Variants in ATOH8 observed in about 807,000 individuals in gnomAD.
The protein encoded by ATOH8 is atonal bHLH transcription factor 8.
In ATOH8, 9 loss-of-function variants were observed where a neutral mutation model predicts 21.2. The ratio of observed to expected loss-of-function variants is 0.42; its 90% confidence interval spans 0.26 to 0.74. The LOEUF (loss-of-function observed/expected upper bound fraction) is 0.74, where lower values mean the gene tolerates loss of function less well. Among genes scored for constraint, ATOH8 ranks in the 30% least tolerant of loss-of-function variants. The pLI is 0.24. For missense variants in ATOH8, 524 were observed against 470.9 expected, an observed-to-expected ratio of 1.11 and a Z score of -1.04; for synonymous variants, 253 against 224.0, an observed-to-expected ratio of 1.13 and a Z score of -1.16.
intron 1 of ATOH8, among the ~76,000 whole-genome samples, chr2:85,762,306 AC>A (rs1435237750): frequency 2.6e-5 from 4 of 152,264 alleles, no homozygotes; most frequent in Non-Finnish European, 5.9e-5. Flanking sequence ...ACAAAAAGAT[AC>A]GCTTAGCTTT....
In ATOH8 at chr2:85,787,029, C is replaced by G. The variant is rs138534564; in HGVS notation, c.*139C>G. On this transcript the variant is annotated 3_prime_UTR_variant, in exon 3 of 3. Transcript: ENST00000306279. ...TGCCCAGCCTACAGCCTCTCAGGGT[C>G]GGATCGGAGCACGCCTGCCTCCCTC... 2 of 1,139,254 alleles carry G rather than the reference C, an allele frequency of 1.8e-6. No homozygotes were observed. The highest frequency in any genetic ancestry group is 2.5e-6 in the Non-Finnish European group (2 of 788,666). 70.6% of individuals were successfully genotyped at this position (1,139,254 alleles called of 1,614,324 possible).
At chr2:85,762,280 G>C (rs764390373) in intron 1 of ATOH8, among the ~76,000 whole-genome samples, 1 of 152,214 alleles carries the variant, frequency 6.6e-6, no homozygotes, top group East Asian at 1.9e-4. Flanking sequence ...CTAGAGCCAG[G>C]AGTTGAATCC....
intron 2 of ATOH8, chr2:85,772,505 C>G (rs1198302094): frequency 2.9e-6 from 1 of 346,078 alleles, no homozygotes; most frequent in Non-Finnish European, 5.6e-6. Flanking sequence ...GGAAAGCACG[C>G]GAGCTGGAAG....
chr2:85,782,718 CAG>C, intron 2 of ATOH8, among the ~76,000 whole-genome samples: 1 of 152,248 alleles, frequency 6.6e-6, no homozygotes, highest in East Asian at 1.9e-4. Context: ...ACAGAGTCTC[CAG>C]AGTCTCCCTC....
At chr2:85,765,541 C>G (rs1679990631) in intron 2 of ATOH8, among the ~76,000 whole-genome samples, 1 of 152,180 alleles carries the variant, frequency 6.6e-6, no homozygotes, top group African/African-American at 2.4e-5. Context: ...GAAAGTGACA[C>G]TGGTAAATTA....
chr2:85,791,187 G>A lies in ATOH8; in HGVS notation c.*4297G>A, dbSNP rs1680758918. Among the ~76,000 whole-genome samples, 3 of 152,128 alleles carry A rather than the reference G, an allele frequency of 2.0e-5. No individual in the cohort carries two copies. The South Asian group carries it at 6.2e-4, about 32-fold the overall frequency. On this transcript the variant is annotated 3_prime_UTR_variant, in exon 3 of 3. Coordinates refer to ENST00000306279, the MANE Select transcript of ATOH8 (RefSeq NM_032827.7). ...CCTCCCTGAAGCCAGGCATCCTGAG[G>A]AACTTGATAGACAAACAATGACAGT... is the stretch of plus-strand genomic sequence containing the variant.
At chr2:85,782,381 A>T (rs1019995570) in intron 2 of ATOH8, among the ~76,000 whole-genome samples, 1 of 152,306 alleles carries the variant, frequency 6.6e-6, no homozygotes, top group East Asian at 1.9e-4. Flanking sequence ...AGATAAAATC[A>T]TTTTTTTAAA....
chr2:85,775,398 C>T (rs1436626707), intron 2 of ATOH8, among the ~76,000 whole-genome samples: 1 of 152,158 alleles, frequency 6.6e-6, no homozygotes, highest in African/African-American at 2.4e-5. Flanking sequence ...AGGGAGATGC[C>T]CCTGGGCTCT....
At chr2:85,781,163 G>T in intron 2 of ATOH8, 1 of 798,210 alleles carries the variant, frequency 1.3e-6, no homozygotes, top group Non-Finnish European at 1.5e-6. Flanking sequence ...GTAAAATACT[G>T]TATGTGAGTA....
Position 85,785,485 on chromosome 2 carries a change from C to T in ATOH8, c.961-1400C>T, listed in dbSNP as rs148234230. ...TGGAGAGCACTCCCTCCCTCTGGCC[C>T]GGCTCCCTCGCCCTCCTTGGACCCC... On this transcript the variant is annotated intron_variant, in intron 2 of 2. Transcript: ENST00000306279. This position sits in a 1 kb window ranked among gnomAD's most constrained non-coding sequence, Gnocchi z 4.1. Among the ~76,000 whole-genome samples the T allele has an allele frequency of 1.3e-3, 202 of 152,354 alleles. No homozygotes were observed. Among genetic ancestry groups the T allele is most frequent in the African/African-American group, 4.3e-3 (178 of 41,588 alleles).
chr2:85,790,812 G>C lies in ATOH8; in HGVS notation c.*3922G>C, dbSNP rs947793738. On this transcript the variant is annotated 3_prime_UTR_variant, in exon 3 of 3. Transcript: ENST00000306279. ...TAGGATAAGACAGGGGCCGCGCTGTGGTCAGCCGTGGGAAGCCGGCGAGGG... is the reference window on the plus strand; with the variant it reads ...TAGGATAAGACAGGGGCCGCGCTGTCGTCAGCCGTGGGAAGCCGGCGAGGG... Among the ~76,000 whole-genome samples the C allele has an allele frequency of 6.6e-6, 1 of 152,192 alleles. No homozygotes were observed. The highest frequency in any genetic ancestry group is 1.5e-5 in the Non-Finnish European group (1 of 68,036).
At chr2:85,759,198 C>T (rs1304619190) in intron 1 of ATOH8, among the ~76,000 whole-genome samples, 1 of 152,196 alleles carries the variant, frequency 6.6e-6, no homozygotes, top group Non-Finnish European at 1.5e-5. Context: ...ACCTCCCTCA[C>T]TCTGAAACCC....
chr2:85,772,215 G>A (rs1200188283), intron 2 of ATOH8, among the ~76,000 whole-genome samples: 1 of 152,238 alleles, frequency 6.6e-6, no homozygotes, highest in African/African-American at 2.4e-5. Context: ...CATCAGCTGC[G>A]GGCACCCCCA....
rs1354810910 is a variant in ATOH8 at position 85,754,732 on chromosome 2, T to TGCGCCCC, written c.544_550dup (p.Pro184ArgfsTer21). 6.2e-7 allele frequency: 1 copy of TGCGCCCC among 1,612,282 alleles called. No individual in the cohort carries two copies. Among genetic ancestry groups the TGCGCCCC allele is most frequent in the Non-Finnish European group, 8.5e-7 (1 of 1,179,670 alleles). On this transcript the variant is annotated frameshift_variant, in exon 1 of 3. Transcript: ENST00000306279. LOFTEE classifies it high-confidence loss of function. ...CGCCCCCGGAGTCCACTGTGCGCCCTGCGCCCCCGACGCGCCCCGGGGAAA... is the reference window on the plus strand; with the variant it reads ...CGCCCCCGGAGTCCACTGTGCGCCCTGCGCCCCGCGCCCCCGACGCGCCCCGGGGAAA...
rs1439570818 is a variant in ATOH8 at position 85,789,499 on chromosome 2, C to T, written c.*2609C>T. On this transcript the variant is annotated 3_prime_UTR_variant, in exon 3 of 3. Transcript: ENST00000306279. The stretch of plus-strand genomic sequence containing the variant: ...CCCTGGAAAGTAGCCATGGGACTTG[C>T]GTCTTAAATGGTGAGTAAAAGCTTT... 2.0e-5 allele frequency among the ~76,000 whole-genome samples: 3 copies of T among 152,084 alleles called. No individual in the cohort carries two copies. Among genetic ancestry groups the T allele is most frequent in the Non-Finnish European group, 2.9e-5 (2 of 68,024 alleles).
chr2:85,764,058 T>A lies in ATOH8; in HGVS notation c.836T>A (p.Ile279Asn). Reference sequence around the variant, plus strand: ...ATCCTGAGGATCGCCTGTAACTACATCCTGTCCCTGGCGCGGCTGGCTGAC... The same window carrying A: ...ATCCTGAGGATCGCCTGTAACTACAACCTGTCCCTGGCGCGGCTGGCTGAC... ...LAILRIACNY[I>N]LSLARLADLD... The change falls in exon 2 of 3, where the codon ATC (isoleucine) becomes AAC (asparagine). Residue 279 changes from isoleucine (I) to asparagine (N), a missense_variant. By Grantham distance (149) the Ile-to-Asn change is moderately radical. Coordinates refer to ENST00000306279, the MANE Select transcript of ATOH8 (RefSeq NM_032827.7). 1 of 1,614,134 alleles carries A rather than the reference T, an allele frequency of 6.2e-7. No individual in the cohort carries two copies. The highest frequency in any genetic ancestry group is 1.1e-5 in the South Asian group (1 of 91,074).
chr2:85,765,210 C>T (rs796449938), intron 2 of ATOH8, among the ~76,000 whole-genome samples: 5 of 152,328 alleles, frequency 3.3e-5, no homozygotes, highest in Admixed American at 1.3e-4. Flanking sequence ...GGGCAGGGGG[C>T]GGACCCTGTC....
Position 85,754,697 on chromosome 2 carries a change from G to C in ATOH8, c.508G>C (p.Ala170Pro). The change falls in exon 1 of 3, where the codon GCA (alanine) becomes CCA (proline). Residue 170 changes from alanine (A) to proline (P), a missense_variant. Coordinates refer to ENST00000306279, the MANE Select transcript of ATOH8 (RefSeq NM_032827.7). ...GCGCCCCGCGCCGTCAGCACCCCCA[G>C]CACCGCCAGCGCCCCCGGAGTCCAC... is the stretch of plus-strand genomic sequence containing the variant. The part of the protein sequence containing the change: ...PARPAPSAPP[A>P]PPAPPESTVR... 2 of 1,606,352 alleles carry C rather than the reference G, an allele frequency of 1.2e-6. No individual in the cohort carries two copies. Among genetic ancestry groups the C allele is most frequent in the Non-Finnish European group, 1.7e-6 (2 of 1,176,892 alleles).
intron 1 of ATOH8, among the ~76,000 whole-genome samples, chr2:85,763,724 A>G (rs4832195): frequency 0.79 from 119,894 of 152,020 alleles, 47,681 homozygotes; most frequent in Non-Finnish European, 0.85. Context: ...AATTCACTGA[A>G]CTTAGATTCA....
Sources: allele counts gnomAD v4.1 joint callset (sites outside exome capture counted in the v4.1 genomes callset), GRCh38; gene constraint gnomAD v4.1.1; non-coding constraint Gnocchi (gnomAD v3.1); transcripts MANE v1.5; gene names NCBI Gene and HGNC (gene_info 2026-07-23, HGNC 2026-07-21).